EHMT1: variants seen among roughly 807,000 people sequenced by gnomAD.
EHMT1 encodes histone-lysine N-methyltransferase EHMT1.
EHMT1 carries 15 observed loss-of-function variants against 147.2 expected under a neutral mutation model. The ratio of observed to expected loss-of-function variants is 0.10; its 90% CI spans 0.07 to 0.16. EHMT1 has a LOEUF of 0.16. Among genes scored for constraint, EHMT1 ranks in the 10% least tolerant of loss-of-function variants. The pLI, the probability that EHMT1 is intolerant of heterozygous loss-of-function variation, is 1.00. For synonymous variants in EHMT1, 795 were observed against 709.6 expected (o/e 1.12, Z -1.91); for missense variants, 1,587 against 1,772.4 (o/e 0.90, Z 1.88).
intron 6 of EHMT1, chr9:137,747,446 C>T (rs1452135979): frequency 6.6e-6 from 1 of 152,220 alleles, no homozygotes; most frequent in Non-Finnish European, 1.5e-5. Flanking sequence ...GCGTGAGCCA[C>T]TGCGCCCGGC....
intron 26 of EHMT1, 33 bp from the exon 27 acceptor site, chr9:137,834,740 C>G: frequency 6.2e-7 from 1 of 1,613,278 alleles, no homozygotes; most frequent in Non-Finnish European, 8.5e-7. Context: ...CGGTGGGATT[C>G]GACTTGGAGC....
rs971817999 is a variant in EHMT1, at chr9:137,777,798, A to G, written c.2019-84A>G. 3.8e-6 allele frequency: 6 copies of G among 1,580,932 alleles called. No individual in the cohort carries two copies. In the South Asian group the frequency reaches 4.4e-5, roughly 12 times the overall value. On this transcript the variant is annotated intron_variant, in intron 12 of 26. Transcript: ENST00000460843. ...AAGCAAATCCGCAGCTCTCACTTAG[A>G]AAACAGCGCTCTCGGGCAGTCAGAG...
At chr9:137,638,742 TA>T (rs71387854) in intron 1 of EHMT1, among the ~76,000 whole-genome samples, 5 of 147,896 alleles carry the variant, frequency 3.4e-5, no homozygotes, top group African/African-American at 2.5e-5. Flanking sequence ...CGTGTCCTCA[TA>T]AAAAAAAAAG....
intron 1 of EHMT1, among the ~76,000 whole-genome samples, chr9:137,630,477 C>G (rs1843557577): frequency 6.6e-6 from 1 of 152,076 alleles, no homozygotes; most frequent in Non-Finnish European, 1.5e-5. Flanking sequence ...GGATGTGAGA[C>G]ATGAATTGGC....
At position 137,745,835 on chromosome 9, in the gene EHMT1, C is replaced by T. The variant is rs115506785; in HGVS notation, c.1170+1745C>T. On this transcript the variant is annotated intron_variant, in intron 6 of 26. Transcript: ENST00000460843. ...GCCACCTCTGACTGTATCCTTCCAC[C>T]TGCAGAGACCTGAGGGGTGTGGTTT... is the stretch of plus-strand genomic sequence containing the variant. 335 of 293,412 alleles carry T rather than the reference C, an allele frequency of 1.1e-3. 2 individuals carry two copies. Among genetic ancestry groups the T allele is most frequent in the African/African-American group, 6.9e-3 (318 of 46,052 alleles). The allele number at this position is 293,412 out of a possible 1,614,324, so 18.2% of individuals were successfully genotyped here.
At position 137,817,467 on chromosome 9, in the gene EHMT1, G is replaced by T; in HGVS notation, c.3403G>T (p.Asp1135Tyr). 6.2e-7 allele frequency: 1 copy of T among 1,614,236 alleles called. No individual in the cohort carries two copies. The highest frequency in any genetic ancestry group is 1.7e-5 in the Admixed American group (1 of 60,030). ...RARLQLYRTR[D>Y]MGWGVRSLQD... is the part of the protein sequence containing the mutation. ...AAGGCTGCAGCTCTACCGGACGCGG[G>T]ACATGGGCTGGGGCGTGCGGTCCCT... Residue 1135 changes from aspartate to tyrosine, a missense_variant, in exon 24 of 27, where the codon GAC (aspartate) becomes TAC (tyrosine). Transcript: ENST00000460843.
intron 25 of EHMT1, among the ~76,000 whole-genome samples, chr9:137,829,621 TC>T (rs1434612043): frequency 2.0e-5 from 3 of 152,220 alleles, no homozygotes; most frequent in Non-Finnish European, 4.4e-5. Flanking sequence ...GCTGGGGCTG[TC>T]CCTTGTATGA....
chr9:137,814,177 C>T, intron 21 of EHMT1: 2 of 587,304 alleles, frequency 3.4e-6, no homozygotes, highest in Admixed American at 2.7e-5. Flanking sequence ...CCCCACGTCA[C>T]CCACTGCCGC....
chr9:137,744,637 T>C (rs918165827), intron 6 of EHMT1, among the ~76,000 whole-genome samples: 3 of 152,228 alleles, frequency 2.0e-5, no homozygotes, highest in Non-Finnish European at 4.4e-5. Flanking sequence ...TGTTCTGGGC[T>C]CTAGATTGAC....
chr9:137,816,832 C>T (rs57568776), intron 23 of EHMT1: 2,939 of 175,138 alleles, frequency 0.017, 77 homozygotes, highest in African/African-American at 0.065. Context: ...CAGACAGACG[C>T]GAGGCAGACA....
intron 1 of EHMT1, among the ~76,000 whole-genome samples, chr9:137,708,706 T>G (rs1426832588): frequency 6.6e-6 from 1 of 152,238 alleles, no homozygotes; most frequent in Non-Finnish European, 1.5e-5. Flanking sequence ...GTTGTTTTCT[T>G]TGAGGCTCAC....
chr9:137,722,736 C>G (rs1564640930), intron 3 of EHMT1, among the ~76,000 whole-genome samples: 1 of 148,560 alleles, frequency 6.7e-6, no homozygotes, highest in African/African-American at 2.5e-5. Context: ...GCGGCAGAGA[C>G]TGTGGCGGTA....
intron 1 of EHMT1, among the ~76,000 whole-genome samples, chr9:137,644,286 A>G (rs1414783302): frequency 6.6e-6 from 1 of 151,442 alleles, no homozygotes; most frequent in Non-Finnish European, 1.5e-5. Flanking sequence ...GTGTTTGGAA[A>G]CTGGAATTTG....
At chr9:137,753,215 A>G (rs1430118649) in intron 7 of EHMT1, among the ~76,000 whole-genome samples, 1 of 152,034 alleles carries the variant, frequency 6.6e-6, no homozygotes, top group African/African-American at 2.4e-5. Context: ...AAACAGGAGA[A>G]GTGGCTCACG....
At chr9:137,753,591 C>T (rs559702207) in intron 7 of EHMT1, among the ~76,000 whole-genome samples, 1 of 152,316 alleles carries the variant, frequency 6.6e-6, no homozygotes, top group African/African-American at 2.4e-5. Flanking sequence ...AAATGTCCCC[C>T]GCCCACTGTG....
intron 26 of EHMT1, 69 bp downstream of exon 26, chr9:137,834,593 T>C: frequency 6.2e-7 from 1 of 1,603,120 alleles, no homozygotes; most frequent in Non-Finnish European, 8.5e-7. Context: ...GGGCTCGCAT[T>C]GCTTTCCTGG....
At chr9:137,772,207 C>T (rs1950630847) in intron 10 of EHMT1, among the ~76,000 whole-genome samples, 1 of 152,056 alleles carries the variant, frequency 6.6e-6, no homozygotes. Context: ...GCTAAATATA[C>T]CAGCACACCT....
intron 18 of EHMT1, among the ~76,000 whole-genome samples, chr9:137,806,161 A>T (rs552484850): frequency 6.6e-6 from 1 of 151,358 alleles, no homozygotes; most frequent in African/African-American, 2.4e-5. Flanking sequence ...GGGTTTCACC[A>T]TGTTGGCTAG....
intron 1 of EHMT1, among the ~76,000 whole-genome samples, chr9:137,692,556 G>A (rs974484244): frequency 1.3e-5 from 2 of 152,030 alleles, no homozygotes; most frequent in African/African-American, 4.8e-5. Context: ...GTGAGCCACC[G>A]AGCCCGGCCT....
Sources: gnomAD v4.1 joint callset for allele counts (sites outside exome capture counted in the v4.1 genomes callset) on GRCh38, gnomAD v4.1.1 for gene constraint, MANE v1.5 for transcripts, NCBI Gene and HGNC (gene_info 2026-07-23, HGNC 2026-07-21) for gene names.